The following RNF213 variants were observed in gnomAD, a reference collection of about 807,000 sequenced individuals.
The protein encoded by RNF213 is ring finger protein 213.
In RNF213, 341 loss-of-function variants were observed where a neutral mutation model predicts 514.4. The observed-to-expected ratio is 0.66, with a 90% CI of 0.61 to 0.73. The LOEUF is 0.73. Among genes scored for constraint, RNF213 ranks in the 30% least tolerant of loss-of-function variants. The pLI, the probability that RNF213 is intolerant of heterozygous loss-of-function variation, is 0.00. For synonymous variants in RNF213, 2,655 were observed against 2,658.2 expected, an observed-to-expected ratio of 1.00 and a Z score of 0.04; for missense variants, 5,767 against 6,615.6, an observed-to-expected ratio of 0.87 and a Z score of 4.45.
chr17:80,389,428 C>G lies in RNF213; in HGVS notation c.15195+61C>G. The stretch of plus-strand genomic sequence containing the variant: ...CCTCACCCTGGTCTCCTGCTTCCCG[C>G]GAGGGATAGGAGCATTCAGGGAGTG... On this transcript the variant is annotated intron_variant, in intron 65 of 67. Transcript: ENST00000582970. 2.7e-6 allele frequency: 4 copies of G among 1,487,920 alleles called. No homozygotes were observed. The South Asian group carries it at 3.5e-5, about 13-fold the overall frequency. 92.2% of individuals were successfully genotyped at this position (1,487,920 alleles called of 1,614,324 possible). A position where few individuals can be genotyped will look rare whatever the true frequency, so the allele number is the denominator to read the frequency against.
chr17:80,288,906 C>CGGAGA lies in RNF213; in HGVS notation c.933+153_933+157dup. The CGGAGA allele has an allele frequency of 7.2e-7, 1 of 1,387,864 alleles. No individual in the cohort carries two copies. Among genetic ancestry groups the CGGAGA allele is most frequent in the Non-Finnish European group, 9.9e-7 (1 of 1,008,320 alleles). The allele number at this position is 1,387,864 out of a possible 1,614,324, so 86.0% of individuals were successfully genotyped here. ...GGCCTTCGGGGTGCTCACATTCCAG[C>CGGAGA]GGAGAGAGAGTCAGGAAACCGACTT... On this transcript the variant is annotated intron_variant, in intron 5 of 67. Coordinates refer to ENST00000582970, the MANE Select transcript of RNF213 (RefSeq NM_001256071.3). This position sits in a 1 kb window ranked among gnomAD's most constrained non-coding sequence, Gnocchi z 4.9.
At chr17:80,337,210 G>C (rs534947590) in intron 23 of RNF213, among the ~76,000 whole-genome samples, 39 of 152,326 alleles carry the variant, frequency 2.6e-4, no homozygotes, top group African/African-American at 9.1e-4. Context: ...TGCTTCCAGC[G>C]TCACCCCCAG....
At chr17:80,375,702 C>CAA (rs1053274096) in intron 50 of RNF213, 58 bp from the exon 51 acceptor site, 65 of 1,089,672 alleles carry the variant, frequency 6.0e-5, no homozygotes, top group South Asian at 2.1e-4. Flanking sequence ...GACTCCATCT[C>CAA]AAAAAAAAAA....
intron 11 of RNF213, among the ~76,000 whole-genome samples, chr17:80,301,382 C>T (rs1186051673): frequency 6.6e-6 from 1 of 152,254 alleles, no homozygotes; most frequent in African/African-American, 2.4e-5. Context: ...AGTGAAGAGA[C>T]AGTCCACGGA....
At chr17:80,348,377 C>T (rs573755881) in intron 29 of RNF213, 91 bp downstream of exon 29, 109 of 1,548,846 alleles carry the variant, frequency 7.0e-5, no homozygotes, top group South Asian at 2.9e-4. Flanking sequence ...CCCCAGGCAG[C>T]GGTTAGGGAT....
chr17:80,337,564 T>A (rs1462462690), intron 23 of RNF213, 22 bp from the exon 24 acceptor site: 2 of 1,536,526 alleles, frequency 1.3e-6, no homozygotes, highest in Non-Finnish European at 1.7e-6. Context: ...GTGGCCCGTG[T>A]TCTCTCCTTT....
chr17:80,306,449 A>G lies in RNF213; in HGVS notation c.2408A>G (p.Glu803Gly), dbSNP rs372700213. ...SGIYYRLPGL[E>G]QVLNTQDVQD... ...ATTTACTACCGGCTTCCGGGACTTGAGCAAGTCTTGAATACGCAGGTTTGT... is the reference window on the plus strand; with the variant it reads ...ATTTACTACCGGCTTCCGGGACTTGGGCAAGTCTTGAATACGCAGGTTTGT... The change falls in exon 12 of 68, where the codon GAG (glutamate) becomes GGG (glycine). Residue 803 changes from glutamate to glycine, a missense_variant. Around this residue, in one of 13 missense-constraint regions of RNF213, gnomAD observed 592 missense variants for 673.9 expected, o/e 0.88. Transcript: ENST00000582970. 5.6e-6 allele frequency: 9 copies of G among 1,613,956 alleles called. No individual in the cohort carries two copies. Among genetic ancestry groups the G allele is most frequent in the African/African-American group, 1.3e-5 (1 of 74,904 alleles).
intron 6 of RNF213, among the ~76,000 whole-genome samples, 166 bp from the exon 7 acceptor site, chr17:80,290,404 T>A (rs2044659892): frequency 1.5e-5 from 2 of 137,808 alleles, no homozygotes; most frequent in African/African-American, 3.1e-5. Context: ...TACGTGTGCT[T>A]GTGTGTGTGC....
intron 56 of RNF213, 62 bp downstream of exon 56, chr17:80,381,049 G>A (rs1178672226): frequency 6.4e-7 from 1 of 1,567,834 alleles, no homozygotes; most frequent in East Asian, 2.2e-5. Context: ...TTCTTCCCAG[G>A]GAGTCCTTTT....
intron 56 of RNF213, 195 bp from the exon 57 acceptor site, chr17:80,381,352 C>T (rs1274935775): frequency 6.0e-6 from 4 of 667,996 alleles, no homozygotes; most frequent in South Asian, 3.2e-5. Context: ...TTCTTTATCT[C>T]ACTGTAACAA....
Position 80,347,056 on chromosome 17 carries a change from G to A in RNF213, c.8721G>A (p.Glu2907=). The change falls in exon 29 of 68, where the codon GAG becomes GAA. Residue 2907 remains glutamate, a synonymous_variant. Coordinates refer to ENST00000582970, the MANE Select transcript of RNF213 (RefSeq NM_001256071.3). The surrounding 1 kb of genome is among the most constrained non-coding windows in gnomAD (Gnocchi z 7.2). The part of the protein sequence containing the change: ...GIFVSRGSPN[E]TELIESAKGI... ...TTGTGTCACGTGGCAGCCCCAACGA[G>A]ACAGAGCTCATAGAGAGCGCCAAGG... The A allele has an allele frequency of 6.2e-7, 1 of 1,614,126 alleles. No homozygotes were observed. Among genetic ancestry groups the A allele is most frequent in the Non-Finnish European group, 8.5e-7 (1 of 1,180,024 alleles).
chr17:80,264,595 G>A lies in RNF213; in HGVS notation c.97+817G>A, dbSNP rs1428826155. On this transcript the variant is annotated intron_variant, in intron 2 of 67. Transcript: ENST00000582970. This position sits in a 1 kb window ranked among gnomAD's most constrained non-coding sequence, Gnocchi z 5.0. ...CCTCATTCTTCCAGCTGCTTCTATC[G>A]GACCCATCACCCCGGGGCCCTCTCC... is the stretch of plus-strand genomic sequence containing the variant. 6.6e-6 allele frequency among the ~76,000 whole-genome samples: 1 copy of A among 151,968 alleles called. No homozygotes were observed. Among genetic ancestry groups the A allele is most frequent in the Non-Finnish European group, 1.5e-5 (1 of 67,984 alleles).
Position 80,307,158 on chromosome 17 carries a change from A to G in RNF213, c.2458A>G (p.Ile820Val). Residue 820 changes from isoleucine (I) to valine (V), a missense_variant, in exon 13 of 68, where the codon ATT (isoleucine) becomes GTT (valine). Physicochemically the swap from Ile to Val is conservative, Grantham distance 29. Transcript: ENST00000582970. ...DVQDVQNVQN[I>V]LEMLLRLLDT... ...TCAGGATGTTCAGAACGTTCAGAAC[A>G]TTTTAGAAATGCTGTTGCGACTCCT... 2.5e-6 allele frequency: 4 copies of G among 1,613,824 alleles called. No homozygotes were observed. The highest frequency in any genetic ancestry group is 2.5e-6 in the Non-Finnish European group (3 of 1,179,920).
intron 59 of RNF213, among the ~76,000 whole-genome samples, 182 bp downstream of exon 59, chr17:80,384,110 T>C (rs567384020): frequency 3.9e-4 from 60 of 152,308 alleles, no homozygotes; most frequent in African/African-American, 1.4e-3. Context: ...AACTGTATGA[T>C]TGCCAGAAGC....
intron 3 of RNF213, among the ~76,000 whole-genome samples, chr17:80,284,201 C>T (rs532750973): frequency 1.4e-5 from 2 of 141,134 alleles, no homozygotes; most frequent in Non-Finnish European, 3.1e-5. Flanking sequence ...TACAAAAATA[C>T]AAAAAAAAAA....
chr17:80,300,068 G>T (rs1162285290), intron 11 of RNF213, among the ~76,000 whole-genome samples: 1 of 152,098 alleles, frequency 6.6e-6, no homozygotes, highest in Non-Finnish European at 1.5e-5. Flanking sequence ...TATTGTTTTT[G>T]GTATATACCC....
chr17:80,359,917 G>C (rs532240745), intron 37 of RNF213, 144 bp from the exon 38 acceptor site: 1 of 775,880 alleles, frequency 1.3e-6, no homozygotes, highest in East Asian at 2.6e-5. Context: ...CCTGTACTGT[G>C]AAACAGATCA....
intron 29 of RNF213, among the ~76,000 whole-genome samples, chr17:80,349,167 T>A (rs184039435): frequency 6.6e-6 from 1 of 152,280 alleles, no homozygotes; most frequent in East Asian, 1.9e-4. Flanking sequence ...CATTGCTTCA[T>A]CATGACAGAT....
chr17:80,292,148 G>A (rs934459347), intron 8 of RNF213: 2 of 404,188 alleles, frequency 4.9e-6, no homozygotes, highest in East Asian at 1.1e-4. Flanking sequence ...ACAGTGGTGC[G>A]ATCTCGGCTC....
Sources: allele counts gnomAD v4.1 joint callset (sites outside exome capture counted in the v4.1 genomes callset), GRCh38; gene constraint gnomAD v4.1.1; regional missense constraint gnomAD v4.1.1; non-coding constraint Gnocchi (gnomAD v3.1); transcripts MANE v1.5; gene names NCBI Gene and HGNC (gene_info 2026-07-23, HGNC 2026-07-21).